KDM4B: variants seen among roughly 807,000 people sequenced by gnomAD.
The protein encoded by KDM4B is lysine-specific demethylase 4B.
Under a neutral mutation model 125.2 loss-of-function variants are expected in KDM4B, and 32 were observed. That is an observed-to-expected ratio of 0.26 (90% CI 0.19 to 0.34). The LOEUF (loss-of-function observed/expected upper bound fraction) is 0.34, where lower values mean the gene tolerates loss of function less well. Ranked by LOEUF, KDM4B falls within the 10% of genes least tolerant of loss-of-function variation. The probability of loss-of-function intolerance (pLI) is 1.00; values close to 1 mark genes in which losing one functional copy is unlikely to be tolerated. For synonymous variants in KDM4B, 721 were observed against 677.9 expected (o/e 1.06, Z -0.99); for missense variants, 1,190 against 1,577.7 (o/e 0.75, Z 4.16).
Position 5,135,503 on chromosome 19 carries a change from C to T in KDM4B, c.2250C>T (p.Gly750=), listed in dbSNP as rs138949640. 2.8e-4 allele frequency: 447 copies of T among 1,611,766 alleles called. 2 individuals carry two copies. The highest frequency in any genetic ancestry group is 2.0e-4 in the Non-Finnish European group (241 of 1,179,562). Residue 750 remains glycine, a synonymous_variant, in exon 15 of 23, where the codon GGC becomes GGT. Coordinates refer to ENST00000159111, the MANE Select transcript of KDM4B (RefSeq NM_015015.3). ...TEPLPANSYI[G]DDGTSPLIAC... ...CGCTGCCTGCCAACTCCTACATCGG[C>T]GACGACGGGACCAGCCCCCTGATCG...
chr19:5,143,318 C>CA (rs11373969), intron 18 of KDM4B, among the ~76,000 whole-genome samples: 75,856 of 144,012 alleles, frequency 0.53, 19,582 homozygotes, highest in East Asian at 0.65. Flanking sequence ...CACCCAGGCT[C>CA]AAAAAAAAAA....
intron 1 of KDM4B, among the ~76,000 whole-genome samples, chr19:4,998,965 T>C (rs2035286186): frequency 6.6e-6 from 1 of 152,186 alleles, no homozygotes; most frequent in Admixed American, 6.5e-5. Flanking sequence ...GATGTTAACC[T>C]TGATCCTTTG....
intron 9 of KDM4B, among the ~76,000 whole-genome samples, chr19:5,094,018 C>G (rs1269757375): frequency 1.3e-5 from 2 of 152,192 alleles, no homozygotes; most frequent in Non-Finnish European, 2.9e-5. Flanking sequence ...GCGGGCCGAG[C>G]CCCCTCAGGG....
chr19:5,150,283 C>T, intron 21 of KDM4B, 75 bp from the exon 22 acceptor site: 1 of 1,311,642 alleles, frequency 7.6e-7, no homozygotes, highest in South Asian at 1.3e-5. Context: ...CCTCCCAGCT[C>T]TTGAGGCCGT....
At chr19:5,133,793 G>C in intron 13 of KDM4B, 90 bp from the exon 14 acceptor site, 1 of 1,387,534 alleles carries the variant, frequency 7.2e-7, no homozygotes, top group Non-Finnish European at 1.0e-6. Context: ...CTGTAGACCC[G>C]GGGCCATCCC....
At chr19:5,107,356 C>T (rs1016284825) in intron 9 of KDM4B, among the ~76,000 whole-genome samples, 15 of 152,216 alleles carry the variant, frequency 9.9e-5, no homozygotes, top group African/African-American at 3.4e-4. Context: ...TTATCTGTCG[C>T]GAGTGCTGAC....
rs73529633 is a variant in KDM4B at position 5,138,803 on chromosome 19, C to T, written c.2550+733C>T. 1.5e-3 allele frequency among the ~76,000 whole-genome samples: 233 copies of T among 152,380 alleles called. 1 individual carries two copies. Among genetic ancestry groups the T allele is most frequent in the African/African-American group, 5.0e-3 (210 of 41,588 alleles). The stretch of plus-strand genomic sequence containing the variant: ...CACCCGTCCTGTATAACTGACACTT[C>T]ACACGTGCTAAGCAGCAGCTCCCTC... On this transcript the variant is annotated intron_variant, in intron 18 of 22. Transcript: ENST00000159111.
At chr19:5,138,420 C>T (rs2039686788) in intron 18 of KDM4B, 2 of 255,372 alleles carry the variant, frequency 7.8e-6, no homozygotes, top group Non-Finnish European at 1.5e-5. Context: ...CACAACCGGG[C>T]TGTCTGATCT....
intron 9 of KDM4B, among the ~76,000 whole-genome samples, chr19:5,095,292 T>C (rs914812098): frequency 1.2e-4 from 18 of 152,192 alleles, no homozygotes; most frequent in African/African-American, 4.1e-4. Flanking sequence ...TCAGATGCTA[T>C]TTGGGTTGAT....
Position 5,082,333 on chromosome 19 carries a change from G to T in KDM4B, c.781-34G>T, listed in dbSNP as rs1270957633. Reference sequence around the variant, plus strand: ...CCCATCCCCTGGTGCGCCTCTGGTGGCCCTGCCCTCACCTGTCTCCTTTCC... The same window carrying T: ...CCCATCCCCTGGTGCGCCTCTGGTGTCCCTGCCCTCACCTGTCTCCTTTCC... On this transcript the variant is annotated intron_variant, in intron 8 of 22. Coordinates refer to ENST00000159111, the MANE Select transcript of KDM4B (RefSeq NM_015015.3). This position sits in a 1 kb window ranked among gnomAD's most constrained non-coding sequence, Gnocchi z 5.4. 2 of 1,612,192 alleles carry T rather than the reference G, an allele frequency of 1.2e-6. No homozygotes were observed. Among genetic ancestry groups the T allele is most frequent in the African/African-American group, 2.7e-5 (2 of 74,902 alleles).
chr19:5,103,680 C>T (rs2038981163), intron 9 of KDM4B, among the ~76,000 whole-genome samples: 1 of 152,218 alleles, frequency 6.6e-6, no homozygotes, highest in South Asian at 2.1e-4. Flanking sequence ...TAGACCCTCT[C>T]TCCACCCCAG....
chr19:4,970,276 T>C (rs1379792131), intron 1 of KDM4B, among the ~76,000 whole-genome samples: 2 of 152,330 alleles, frequency 1.3e-5, no homozygotes, highest in East Asian at 3.9e-4. Flanking sequence ...TGGGGGAGGA[T>C]GCTTCTGTTT....
rs79140313 is a variant in KDM4B, at chr19:5,007,998, G to A, written c.-108-8259G>A. ...CCTAAGAGTTGGGTAGTTCTGAGCT[G>A]GGTATACTAGCTCACATCTATATGC... On this transcript the variant is annotated intron_variant, in intron 1 of 22. Coordinates refer to ENST00000159111, the MANE Select transcript of KDM4B (RefSeq NM_015015.3). Among the ~76,000 whole-genome samples the A allele has an allele frequency of 8.7e-4, 133 of 152,320 alleles. 1 individual carries two copies. The East Asian group carries it at 0.024, about 27-fold the overall frequency.
chr19:5,013,761 CCT>C (rs1259464845), intron 1 of KDM4B, among the ~76,000 whole-genome samples: 1 of 152,236 alleles, frequency 6.6e-6, no homozygotes, highest in African/African-American at 2.4e-5. Context: ...CCGCAAAGCC[CCT>C]GTTGCCATGG....
intron 1 of KDM4B, among the ~76,000 whole-genome samples, chr19:4,977,199 C>CTG (rs2034477399): frequency 6.6e-6 from 1 of 152,214 alleles, no homozygotes; most frequent in African/African-American, 2.4e-5. Context: ...TGCTGGCAGG[C>CTG]TGTGCCTCTT....
chr19:5,084,608 T>C (rs1041655410), intron 9 of KDM4B, among the ~76,000 whole-genome samples: 4 of 143,900 alleles, frequency 2.8e-5, no homozygotes, highest in Non-Finnish European at 6.0e-5. Context: ...ATAAATTATA[T>C]ATATAACATA....
intron 1 of KDM4B, among the ~76,000 whole-genome samples, chr19:5,013,600 C>T (rs1052796614): frequency 7.9e-5 from 12 of 152,164 alleles, no homozygotes; most frequent in African/African-American, 2.9e-4. Flanking sequence ...CCGCATCCCT[C>T]GGCTTGGGGC....
At chr19:5,118,085 T>C (rs549624705) in intron 10 of KDM4B, among the ~76,000 whole-genome samples, 2 of 152,238 alleles carry the variant, frequency 1.3e-5, no homozygotes, top group African/African-American at 4.8e-5. Context: ...TGCTGGCCCA[T>C]GTGACAGCCT....
rs1363726367 is a variant in KDM4B at position 5,035,212 on chromosome 19, C to T, written c.141+2181C>T. ...CCTCCTCTCCCTGGTGCACATAGGGCAGGTGGGACAGGCGTCGCCTCCCTT... is the reference window on the plus strand; with the variant it reads ...CCTCCTCTCCCTGGTGCACATAGGGTAGGTGGGACAGGCGTCGCCTCCCTT... On this transcript the variant is annotated intron_variant, in intron 3 of 22. Coordinates refer to ENST00000159111, the MANE Select transcript of KDM4B (RefSeq NM_015015.3). The surrounding 1 kb of genome is among the most constrained non-coding windows in gnomAD (Gnocchi z 5.3). Among the ~76,000 whole-genome samples the T allele has an allele frequency of 1.3e-5, 2 of 152,176 alleles. No homozygotes were observed. Among genetic ancestry groups the T allele is most frequent in the Non-Finnish European group, 2.9e-5 (2 of 68,022 alleles).
Sources: gnomAD v4.1 joint callset for allele counts (sites outside exome capture counted in the v4.1 genomes callset) on GRCh38, gnomAD v4.1.1 for gene constraint, Gnocchi (gnomAD v3.1) non-coding constraint, MANE v1.5 for transcripts, NCBI Gene and HGNC (gene_info 2026-07-23, HGNC 2026-07-21) for gene names.